FBXL7: variants seen among roughly 807,000 people sequenced by gnomAD.
The protein encoded by FBXL7 is F-box and leucine rich repeat protein 7, also known as F-box/LRR-repeat protein 7.
In FBXL7, 12 loss-of-function variants were observed where a neutral mutation model predicts 38.3. The ratio of observed to expected loss-of-function variants is 0.31; its 90% confidence interval spans 0.20 to 0.51. The LOEUF (loss-of-function observed/expected upper bound fraction) is 0.51, where lower values mean the gene tolerates loss of function less well. Among genes scored for constraint, FBXL7 ranks in the 20% least tolerant of loss-of-function variants. The pLI is 0.98. For synonymous variants in FBXL7, 297 were observed against 300.9 expected (o/e 0.99, Z 0.13); for missense variants, 567 against 676.4 (o/e 0.84, Z 1.79).
intron 1 of FBXL7, among the ~76,000 whole-genome samples, chr5:15,541,007 ATCTT>A (rs1737724147): frequency 6.6e-6 from 1 of 151,778 alleles, no homozygotes; most frequent in African/African-American, 2.4e-5. Context: ...CATTTACTTT[ATCTT>A]TCTTTTCCCT....
chr5:15,876,196 C>A (rs1579555862), intron 2 of FBXL7, among the ~76,000 whole-genome samples: 1 of 148,654 alleles, frequency 6.7e-6, no homozygotes, highest in Non-Finnish European at 1.5e-5. Flanking sequence ...GGGAGTTGAA[C>A]AATGAGAACA....
chr5:15,719,966 G>A (rs16867615), intron 2 of FBXL7, among the ~76,000 whole-genome samples: 93,733 of 147,904 alleles, frequency 0.63, 32,819 homozygotes, highest in East Asian at 0.78. Flanking sequence ...AGAAGTCTGC[G>A]TATTCCCTAT....
chr5:15,811,184 T>C (rs964411067), intron 2 of FBXL7, among the ~76,000 whole-genome samples: 5 of 152,334 alleles, frequency 3.3e-5, no homozygotes, highest in Admixed American at 2.0e-4. Flanking sequence ...TGGGAACTTT[T>C]GCTGTGAGAT....
chr5:15,683,950 G>A (rs1404089815), intron 2 of FBXL7, among the ~76,000 whole-genome samples: 1 of 151,976 alleles, frequency 6.6e-6, no homozygotes, highest in African/African-American at 2.4e-5. Context: ...GCCTCTCAAG[G>A]ACTATATATA....
chr5:15,624,869 G>GTTTTTTTTTTTTT (rs548586309), intron 2 of FBXL7, among the ~76,000 whole-genome samples: 1 of 135,966 alleles, frequency 7.4e-6, no homozygotes, highest in Non-Finnish European at 1.6e-5. Context: ...GTACATGTTT[G>GTTTTTTTTTTTTT]TTTTTTTTTT....
chr5:15,923,016 T>C (rs923700471), intron 2 of FBXL7, among the ~76,000 whole-genome samples: 2 of 152,210 alleles, frequency 1.3e-5, no homozygotes, highest in African/African-American at 4.8e-5. Context: ...AGTTCAAATA[T>C]AGTCAGCTTT....
chr5:15,569,125 A>C (rs1406721825), intron 1 of FBXL7, among the ~76,000 whole-genome samples: 3 of 152,226 alleles, frequency 2.0e-5, no homozygotes, highest in African/African-American at 4.8e-5. Flanking sequence ...AATTCTGTGA[A>C]GAAAGTCATT....
chr5:15,803,105 T>C (rs1010416797), intron 2 of FBXL7, among the ~76,000 whole-genome samples: 2 of 152,212 alleles, frequency 1.3e-5, no homozygotes, highest in Non-Finnish European at 2.9e-5. Context: ...GATCTATATA[T>C]AACCCATAGT....
At chr5:15,755,315 C>A (rs1456360141) in intron 2 of FBXL7, among the ~76,000 whole-genome samples, 2 of 152,058 alleles carry the variant, frequency 1.3e-5, no homozygotes, top group African/African-American at 4.8e-5. Flanking sequence ...CTTCTCTTAT[C>A]AAAAGAGAGG....
At chr5:15,631,013 T>G (rs1028190943) in intron 2 of FBXL7, among the ~76,000 whole-genome samples, 1 of 152,206 alleles carries the variant, frequency 6.6e-6, no homozygotes, top group African/African-American at 2.4e-5. Flanking sequence ...ACTTTTATAA[T>G]CTAATCACAG....
intron 2 of FBXL7, among the ~76,000 whole-genome samples, chr5:15,773,674 T>C (rs963779288): frequency 1.3e-5 from 2 of 152,100 alleles, no homozygotes; most frequent in African/African-American, 4.8e-5. Flanking sequence ...CTTAGAGAAT[T>C]TTTTAATAAT....
intron 2 of FBXL7, among the ~76,000 whole-genome samples, chr5:15,660,299 A>G (rs1263514067): frequency 1.3e-5 from 2 of 152,206 alleles, no homozygotes; most frequent in Non-Finnish European, 2.9e-5. Flanking sequence ...AAGCAGCTCA[A>G]AGTTCAGTTG....
At chr5:15,914,098 G>A (rs1218397219) in intron 2 of FBXL7, among the ~76,000 whole-genome samples, 1 of 152,154 alleles carries the variant, frequency 6.6e-6, no homozygotes, top group African/African-American at 2.4e-5. Flanking sequence ...GAAATGAGCA[G>A]GGGGCCGGGC....
intron 2 of FBXL7, among the ~76,000 whole-genome samples, chr5:15,924,429 A>G (rs1402616216): frequency 6.6e-6 from 1 of 152,152 alleles, no homozygotes; most frequent in East Asian, 1.9e-4. Context: ...TTAGTGTAAT[A>G]GAAGGTATGT....
intron 2 of FBXL7, among the ~76,000 whole-genome samples, chr5:15,881,434 C>T (rs1740446601): frequency 6.6e-6 from 1 of 152,140 alleles, no homozygotes; most frequent in Admixed American, 6.5e-5. Flanking sequence ...GATTGATGGG[C>T]ATTTGGGCTG....
chr5:15,795,564 T>C (rs1314518266), intron 2 of FBXL7, among the ~76,000 whole-genome samples: 3 of 152,188 alleles, frequency 2.0e-5, no homozygotes, highest in African/African-American at 4.8e-5. Context: ...TTATGTCTTA[T>C]AGCATGACTA....
At chr5:15,515,249 T>C (rs919479914) in intron 1 of FBXL7, among the ~76,000 whole-genome samples, 2 of 152,218 alleles carry the variant, frequency 1.3e-5, no homozygotes, top group African/African-American at 2.4e-5. Context: ...TTTGGGGACC[T>C]AGTCTAATTC....
At chr5:15,853,799 A>G (rs557051178) in intron 2 of FBXL7, among the ~76,000 whole-genome samples, 20 of 152,340 alleles carry the variant, frequency 1.3e-4, no homozygotes, top group Non-Finnish European at 2.8e-4. Context: ...GTGACCAGGA[A>G]TATGAATTTT....
At chr5:15,810,047 G>A (rs957015564) in intron 2 of FBXL7, among the ~76,000 whole-genome samples, 2 of 152,052 alleles carry the variant, frequency 1.3e-5, no homozygotes, top group Non-Finnish European at 2.9e-5. Context: ...TTTTGGTGGG[G>A]TATTCATTTC....
Sources: gnomAD v4.1 joint callset for allele counts (sites outside exome capture counted in the v4.1 genomes callset) on GRCh38, gnomAD v4.1.1 for gene constraint, MANE v1.5 for transcripts, NCBI Gene and HGNC (gene_info 2026-07-23, HGNC 2026-07-21) for gene names.